Variants in TOM1L2 observed in about 807,000 individuals in gnomAD.
TOM1L2 encodes the protein target of myb1 like 2 membrane trafficking protein.
Under a neutral mutation model 67.9 loss-of-function variants are expected in TOM1L2, and 31 were observed. The ratio of observed to expected loss-of-function variants is 0.46; its 90% CI spans 0.34 to 0.62. TOM1L2 has a LOEUF of 0.62. Ranked by LOEUF, TOM1L2 falls within the 20% of genes least tolerant of loss-of-function variation. The pLI is 0.01. For synonymous variants in TOM1L2, 256 were observed against 254.0 expected (o/e 1.01, Z -0.07); for missense variants, 606 against 663.5 (o/e 0.91, Z 0.95).
intron 7 of TOM1L2, among the ~76,000 whole-genome samples, chr17:17,877,894 C>T (rs1447189173): frequency 6.6e-6 from 1 of 151,586 alleles, no homozygotes; most frequent in Non-Finnish European, 1.5e-5. Context: ...AAAAAAAAAT[C>T]CCAAACCCCC....
chr17:17,874,019 A>C (rs1162122481), intron 7 of TOM1L2, among the ~76,000 whole-genome samples: 1 of 151,712 alleles, frequency 6.6e-6, no homozygotes, highest in African/African-American at 2.4e-5. Flanking sequence ...GCAGTGGCAC[A>C]ATCTCGGCTC....
At chr17:17,921,499 G>C (rs1258897144) in intron 1 of TOM1L2, among the ~76,000 whole-genome samples, 1 of 152,106 alleles carries the variant, frequency 6.6e-6, no homozygotes, top group African/African-American at 2.4e-5. Flanking sequence ...GAGTAGCTGG[G>C]GGAAGAGGCC....
At chr17:17,928,539 CA>C (rs1377663209) in intron 1 of TOM1L2, among the ~76,000 whole-genome samples, 1 of 152,234 alleles carries the variant, frequency 6.6e-6, no homozygotes, top group Non-Finnish European at 1.5e-5. Context: ...CTTTAACACT[CA>C]GCTCGTTGCC....
chr17:17,954,427 C>T (rs529874157), intron 1 of TOM1L2, among the ~76,000 whole-genome samples: 6 of 150,648 alleles, frequency 4.0e-5, no homozygotes, highest in Non-Finnish European at 7.4e-5. Flanking sequence ...ATTCTCCTGT[C>T]TCAGCCTCTC....
intron 1 of TOM1L2, among the ~76,000 whole-genome samples, chr17:17,948,079 G>T (rs1305045861): frequency 6.6e-6 from 1 of 152,172 alleles, no homozygotes; most frequent in East Asian, 1.9e-4. Context: ...AGTCATAATT[G>T]AGGAAACTAA....
rs772252818 is a variant in TOM1L2, at chr17:17,847,664, G to A, written c.1495C>T (p.Arg499Trp). ...AGGGCGAAGAGGGCATCCTCTGACC[G>A]CTCTGGCTTCTTCCGGCCAGAAGGG... Reference protein sequence around the residue: ...SNPSGRKKPERSEDALFAL With the variant: ...SNPSGRKKPEWSEDALFAL Residue 499 changes from arginine to tryptophan, a missense_variant, in exon 15 of 15, where the codon CGG becomes TGG. This residue lies in a region of TOM1L2 where 543 missense variants were observed against 554.0 expected (regional missense o/e 0.98). Transcript: ENST00000379504. 15 of 1,613,488 alleles carry A rather than the reference G, an allele frequency of 9.3e-6. No individual in the cohort carries two copies. Among genetic ancestry groups the A allele is most frequent in the Admixed American group, 5.0e-5 (3 of 59,970 alleles).
intron 1 of TOM1L2, among the ~76,000 whole-genome samples, chr17:17,943,331 A>T (rs1029287555): frequency 6.6e-6 from 1 of 152,090 alleles, no homozygotes; most frequent in Non-Finnish European, 1.5e-5. Flanking sequence ...TGCTAATTAG[A>T]GCTAGGGAGT....
intron 1 of TOM1L2, among the ~76,000 whole-genome samples, chr17:17,946,412 C>T (rs1228666505): frequency 6.6e-6 from 1 of 152,164 alleles, no homozygotes; most frequent in Non-Finnish European, 1.5e-5. Flanking sequence ...TCTGCCTTTT[C>T]TCTATATAGA....
rs1020942085 is a variant in TOM1L2 at position 17,893,549 on chromosome 17, G to C, written c.366+112C>G. The C allele has an allele frequency of 8.5e-6, 9 of 1,055,930 alleles. No individual in the cohort carries two copies. In the Admixed American group the frequency reaches 1.5e-4, roughly 18 times the overall value. 65.4% of individuals were successfully genotyped at this position (1,055,930 alleles called of 1,614,324 possible). A position where few individuals can be genotyped will look rare whatever the true frequency, so the allele number is the denominator to read the frequency against. ...GTATTTTGCACCAAATATTTTAAAT[G>C]TAGAAGTCTCCATTTTTTTTTTCCT... On this transcript the variant is annotated intron_variant, in intron 4 of 14. Transcript: ENST00000379504.
intron 6 of TOM1L2, 91 bp downstream of exon 6, chr17:17,882,614 A>G (rs2037781658): frequency 3.3e-6 from 5 of 1,534,742 alleles, no homozygotes; most frequent in Non-Finnish European, 4.4e-6. Flanking sequence ...CCAGCACAAT[A>G]CCTGGCTTGG....
chr17:17,898,567 CTT>C (rs1460420839), intron 3 of TOM1L2, 27 bp downstream of exon 3: 10 of 1,612,600 alleles, frequency 6.2e-6, no homozygotes, highest in Non-Finnish European at 7.6e-6. Flanking sequence ...CCCCAGATGA[CTT>C]CTCTCCTCAA....
intron 1 of TOM1L2, among the ~76,000 whole-genome samples, chr17:17,917,582 T>G (rs747898269): frequency 7.4e-5 from 11 of 149,092 alleles, no homozygotes; most frequent in Non-Finnish European, 1.2e-4. Flanking sequence ...TACATGTGCA[T>G]GCCACCATGC....
chr17:17,871,094 GGT>G (rs1259638379), intron 7 of TOM1L2, among the ~76,000 whole-genome samples: 3 of 152,238 alleles, frequency 2.0e-5, no homozygotes, highest in African/African-American at 7.2e-5. Context: ...GCCGGGGCCA[GGT>G]GTGGTGGCTC....
intron 1 of TOM1L2, among the ~76,000 whole-genome samples, chr17:17,914,494 T>C (rs1313860253): frequency 1.3e-5 from 2 of 152,168 alleles, no homozygotes; most frequent in East Asian, 3.9e-4. Context: ...CCCACATGCA[T>C]GAAAAGGGCA....
intron 4 of TOM1L2, among the ~76,000 whole-genome samples, chr17:17,885,287 GTT>G (rs2037937065): frequency 6.6e-6 from 1 of 152,248 alleles, no homozygotes; most frequent in East Asian, 1.9e-4. Flanking sequence ...CTAACTACAG[GTT>G]TCCTCAGATC....
rs549448146 is a variant in TOM1L2 at position 17,884,262 on chromosome 17, T to C, written c.501+372A>G. ...AGAAAGCTACTTTTTGACCCAAGAG[T>C]GACATCAAGCCCTGAGGTGCTATGG... is the stretch of plus-strand genomic sequence containing the variant. On this transcript the variant is annotated intron_variant, in intron 5 of 14. Transcript: ENST00000379504. Among the ~76,000 whole-genome samples the C allele has an allele frequency of 9.2e-5, 14 of 152,044 alleles. No homozygotes were observed. In the East Asian group the frequency reaches 2.7e-3, roughly 29 times the overall value.
intron 1 of TOM1L2, among the ~76,000 whole-genome samples, chr17:17,926,897 A>G (rs2040113380): frequency 6.6e-6 from 1 of 152,160 alleles, no homozygotes; most frequent in South Asian, 2.1e-4. Flanking sequence ...AAATGTAACC[A>G]TATTTAAATA....
intron 6 of TOM1L2, among the ~76,000 whole-genome samples, chr17:17,881,729 G>T (rs779346878): frequency 6.6e-6 from 1 of 152,144 alleles, no homozygotes; most frequent in Non-Finnish European, 1.5e-5. Flanking sequence ...GCAGAGCTGG[G>T]GGCTCACACC....
chr17:17,856,478 G>A (rs534245342), intron 12 of TOM1L2, among the ~76,000 whole-genome samples: 2 of 152,334 alleles, frequency 1.3e-5, no homozygotes, highest in Admixed American at 6.5e-5. Flanking sequence ...TTGCTCCCAC[G>A]GCTCTGGGTG....
Sources: allele counts gnomAD v4.1 joint callset (sites outside exome capture counted in the v4.1 genomes callset), GRCh38; gene constraint gnomAD v4.1.1; regional missense constraint gnomAD v4.1.1; transcripts MANE v1.5; gene names NCBI Gene and HGNC (gene_info 2026-07-23, HGNC 2026-07-21).